The following RB1CC1 variants were observed in gnomAD, a reference collection of about 807,000 sequenced individuals.
RB1CC1 encodes the protein RB1 inducible coiled-coil 1.
Under a neutral mutation model 177.5 loss-of-function variants are expected in RB1CC1, and 46 were observed. That is an observed-to-expected ratio of 0.26 (90% CI 0.20 to 0.33). RB1CC1 has a LOEUF of 0.33. RB1CC1 is among the 10% of genes least tolerant of loss of function. RB1CC1 has a pLI of 1.00. For missense variants in RB1CC1, 1,703 were observed against 1,816.3 expected (o/e 0.94, Z 1.13); for synonymous variants, 666 against 613.6 (o/e 1.09, Z -1.26).
At chr8:52,699,111 C>CAG (rs1855756666) in intron 1 of RB1CC1, among the ~76,000 whole-genome samples, 1 of 152,104 alleles carries the variant, frequency 6.6e-6, no homozygotes, top group African/African-American at 2.4e-5. Context: ...TGGTAATACT[C>CAG]CAGTAAAACA....
intron 1 of RB1CC1, among the ~76,000 whole-genome samples, chr8:52,694,369 C>G (rs1345195524): frequency 6.7e-6 from 1 of 148,724 alleles, no homozygotes; most frequent in African/African-American, 2.6e-5. Context: ...GCTCATCCCC[C>G]CCGGGTAGTC....
intron 21 of RB1CC1, 144 bp downstream of exon 21, chr8:52,630,326 C>T (rs1848666834): frequency 1.1e-6 from 1 of 931,612 alleles, no homozygotes; most frequent in Non-Finnish European, 1.5e-6. Flanking sequence ...TCCTGCTTTC[C>T]AGTAAAAAAC....
chr8:52,625,799 T>C (rs1427233312), intron 22 of RB1CC1, among the ~76,000 whole-genome samples: 1 of 152,206 alleles, frequency 6.6e-6, no homozygotes, highest in Admixed American at 6.5e-5. Flanking sequence ...TGAATGTGTA[T>C]CACTTTCACA....
chr8:52,669,173 C>T (rs532121512), intron 7 of RB1CC1, among the ~76,000 whole-genome samples: 89 of 152,234 alleles, frequency 5.8e-4, no homozygotes, highest in Middle Eastern at 3.4e-3. Context: ...TATGCTTGTT[C>T]CTAATAAAAC....
intron 16 of RB1CC1, among the ~76,000 whole-genome samples, chr8:52,644,443 C>G (rs1043174557): frequency 6.6e-6 from 1 of 152,112 alleles, no homozygotes; most frequent in Admixed American, 6.6e-5. Context: ...TAAGAGAACA[C>G]ACAAAGAGAC....
intron 1 of RB1CC1, among the ~76,000 whole-genome samples, chr8:52,696,875 C>CTT (rs1472730459): frequency 6.6e-6 from 1 of 152,020 alleles, no homozygotes; most frequent in Non-Finnish European, 1.5e-5. Context: ...TGATGGTGCA[C>CTT]ACCTGTACTC....
intron 1 of RB1CC1, among the ~76,000 whole-genome samples, chr8:52,711,748 G>A (rs1168854119): frequency 6.6e-6 from 1 of 152,214 alleles, no homozygotes; most frequent in Non-Finnish European, 1.5e-5. Context: ...TTCCAAACCT[G>A]AATATGTAGA....
intron 8 of RB1CC1, among the ~76,000 whole-genome samples, chr8:52,664,367 A>T (rs1218177492): frequency 6.6e-6 from 1 of 152,168 alleles, no homozygotes; most frequent in East Asian, 1.9e-4. Context: ...AGTACCAAAA[A>T]ATATCCATTG....
rs141718762 is a variant in RB1CC1 at position 52,693,153 on chromosome 8, C to T, written c.-166-6186G>A. On this transcript the variant is annotated intron_variant, in intron 1 of 23. Coordinates refer to ENST00000025008, the MANE Select transcript of RB1CC1 (RefSeq NM_014781.5). Reference sequence around the variant, plus strand: ...ATGGATTAAAGACTTAAATGTAAAACCCAAAACTATGAAACCCTAGAAGAA... The same window carrying T: ...ATGGATTAAAGACTTAAATGTAAAATCCAAAACTATGAAACCCTAGAAGAA... Among the ~76,000 whole-genome samples, 9 of 152,254 alleles carry T rather than the reference C, an allele frequency of 5.9e-5. No individual in the cohort carries two copies. The East Asian group carries it at 1.4e-3, about 23-fold the overall frequency.
intron 22 of RB1CC1, 25 bp from the exon 23 acceptor site, chr8:52,624,812 C>G: frequency 7.0e-7 from 1 of 1,422,126 alleles, no homozygotes; most frequent in Non-Finnish European, 9.5e-7. Flanking sequence ...TAGTTAATCT[C>G]TTTTTGAAAG....
At chr8:52,652,328 T>C (rs953216033) in intron 15 of RB1CC1, among the ~76,000 whole-genome samples, 1 of 151,908 alleles carries the variant, frequency 6.6e-6, no homozygotes, top group East Asian at 1.9e-4. Flanking sequence ...TAGCTGGGCG[T>C]GGTGTCACGC....
At chr8:52,695,494 T>C (rs1855314910) in intron 1 of RB1CC1, among the ~76,000 whole-genome samples, 1 of 152,184 alleles carries the variant, frequency 6.6e-6, no homozygotes, top group African/African-American at 2.4e-5. Flanking sequence ...ACGTGACTCA[T>C]GTATCAGTTA....
chr8:52,676,855 G>C (rs557413727), intron 5 of RB1CC1, among the ~76,000 whole-genome samples: 3 of 152,226 alleles, frequency 2.0e-5, no homozygotes, highest in South Asian at 2.1e-4. Flanking sequence ...TTTGACTAAT[G>C]ATCAACATCT....
intron 15 of RB1CC1, among the ~76,000 whole-genome samples, chr8:52,651,760 A>G (rs1305164206): frequency 6.6e-6 from 1 of 152,220 alleles, no homozygotes; most frequent in Non-Finnish European, 1.5e-5. Context: ...CTTGAATAGT[A>G]AAAACTACTA....
rs140221077 is a variant in RB1CC1 at position 52,696,393 on chromosome 8, T to A, written c.-166-9426A>T. The stretch of plus-strand genomic sequence containing the variant: ...GGAGAAGTGGCTAATGCTAAATGTC[T>A]AAAGTAGAAAATGTACCAATCACAT... On this transcript the variant is annotated intron_variant, in intron 1 of 23. Coordinates refer to ENST00000025008, the MANE Select transcript of RB1CC1 (RefSeq NM_014781.5). Among the ~76,000 whole-genome samples, 631 of 152,312 alleles carry A rather than the reference T, an allele frequency of 4.1e-3. 3 individuals carry two copies. The highest frequency in any genetic ancestry group is 0.014 in the African/African-American group (594 of 41,554).
intron 7 of RB1CC1, among the ~76,000 whole-genome samples, chr8:52,673,166 C>T (rs536736231): frequency 6.6e-6 from 1 of 152,148 alleles, no homozygotes; most frequent in East Asian, 1.9e-4. Context: ...CTATTTTTAA[C>T]AATTATCTTT....
At chr8:52,650,405 C>G (rs1850466431) in intron 15 of RB1CC1, among the ~76,000 whole-genome samples, 1 of 152,146 alleles carries the variant, frequency 6.6e-6, no homozygotes, top group South Asian at 2.1e-4. Flanking sequence ...GTTTGGGGGT[C>G]TTGGTAGACA....
In RB1CC1 at chr8:52,673,999, T is replaced by G; in HGVS notation, c.848A>C (p.Gln283Pro). Residue 283 changes from glutamine to proline, a missense_variant, in exon 7 of 24, where the codon CAA becomes CCA. Coordinates refer to ENST00000025008, the MANE Select transcript of RB1CC1 (RefSeq NM_014781.5). ...ESGKEIRESC[Q>P]STVHQQDETT... ...TTCATCTTGCTGATGAACAGTACTT[T>G]GACAAGATTCCCTAATTTCTTTGCC... 2 of 1,614,198 alleles carry G rather than the reference T, an allele frequency of 1.2e-6. No homozygotes were observed. Among genetic ancestry groups the G allele is most frequent in the Non-Finnish European group, 1.7e-6 (2 of 1,180,036 alleles).
At chr8:52,671,300 A>G (rs1284943360) in intron 7 of RB1CC1, among the ~76,000 whole-genome samples, 1 of 152,234 alleles carries the variant, frequency 6.6e-6, no homozygotes, top group Non-Finnish European at 1.5e-5. Context: ...TACTGTTACA[A>G]TTGGAATTAA....
Sources: allele counts gnomAD v4.1 joint callset (sites outside exome capture counted in the v4.1 genomes callset), GRCh38; gene constraint gnomAD v4.1.1; transcripts MANE v1.5; gene names NCBI Gene and HGNC (gene_info 2026-07-23, HGNC 2026-07-21).